OGFOD1: variants seen among roughly 807,000 people sequenced by gnomAD.
OGFOD1 encodes prolyl 3-hydroxylase OGFOD1.
In OGFOD1, 54 loss-of-function variants were observed where a neutral mutation model predicts 67.7. The observed-to-expected ratio is 0.80, with a 90% CI of 0.64 to 1.00. OGFOD1 has a LOEUF of 1.00. Ranked by LOEUF, OGFOD1 falls within the 50% of genes least tolerant of loss-of-function variation. The pLI, the probability that OGFOD1 is intolerant of heterozygous loss-of-function variation, is 0.00. For synonymous variants in OGFOD1, 221 were observed against 227.0 expected, an observed-to-expected ratio of 0.97 and a Z score of 0.24; for missense variants, 606 against 646.7, an observed-to-expected ratio of 0.94 and a Z score of 0.68.
At chr16:56,460,920 T>C (rs1002332935) in intron 3 of OGFOD1, among the ~76,000 whole-genome samples, 1 of 152,224 alleles carries the variant, frequency 6.6e-6, no homozygotes, top group Non-Finnish European at 1.5e-5. Context: ...GAGTTATAAA[T>C]TGTGTTAAGA....
chr16:56,467,010 T>G, intron 6 of OGFOD1, 43 bp downstream of exon 6: 1 of 1,549,696 alleles, frequency 6.5e-7, no homozygotes, highest in Non-Finnish European at 8.9e-7. Context: ...GGATTATGTT[T>G]TTTAATCACC....
At chr16:56,452,767 T>C (rs1962383974) in intron 1 of OGFOD1, among the ~76,000 whole-genome samples, 1 of 152,020 alleles carries the variant, frequency 6.6e-6, no homozygotes, top group South Asian at 2.1e-4. Context: ...AGTGGGTAAA[T>C]GTTGGGGTAG....
Position 56,463,877 on chromosome 16 carries a change from C to G in OGFOD1, c.448+1243C>G, listed in dbSNP as rs548063399. ...CTTCAGTAATTTCTACAAGGACATT[C>G]TCCTACATGATAATCATAAACCATC... On this transcript the variant is annotated intron_variant, in intron 4 of 12. Transcript: ENST00000566157. Among the ~76,000 whole-genome samples the G allele has an allele frequency of 4.6e-5, 7 of 152,270 alleles. No individual in the cohort carries two copies. In the South Asian group the frequency reaches 1.0e-3, roughly 23 times the overall value.
In OGFOD1 at chr16:56,467,230, A is replaced by G. The variant is rs1388885424; in HGVS notation, c.723A>G (p.Ser241=). Residue 241 remains serine, a synonymous_variant, in exon 7 of 13, where the codon TCA becomes TCG. Coordinates refer to ENST00000566157, the MANE Select transcript of OGFOD1 (RefSeq NM_018233.4). ...TAAGTGGCTGGTTTCATGGTCCATC[A>G]TTGACTCGGCCTCCCAACTACTTTG... ...LSISGWFHGP[S]LTRPPNYFEP... is the part of the protein sequence containing the mutation. The G allele has an allele frequency of 6.2e-7, 1 of 1,614,124 alleles. No homozygotes were observed. The highest frequency in any genetic ancestry group is 1.3e-5 in the African/African-American group (1 of 75,016).
chr16:56,455,815 C>G (rs1250015786), intron 2 of OGFOD1, among the ~76,000 whole-genome samples: 1 of 152,050 alleles, frequency 6.6e-6, no homozygotes, highest in African/African-American at 2.4e-5. Context: ...GTTGAGGAAA[C>G]TACATTAGTT....
chr16:56,462,493 A>G, intron 3 of OGFOD1, 41 bp from the exon 4 acceptor site: 1 of 1,296,360 alleles, frequency 7.7e-7, no homozygotes, highest in South Asian at 1.2e-5. Flanking sequence ...CCTAGATCCC[A>G]CACTGTGGCA....
intron 2 of OGFOD1, among the ~76,000 whole-genome samples, chr16:56,454,030 G>A (rs1436474274): frequency 2.0e-5 from 3 of 152,160 alleles, no homozygotes; most frequent in African/African-American, 4.8e-5. Flanking sequence ...AGAGTTGTAC[G>A]TTGGGAGACA....
intron 11 of OGFOD1, 151 bp from the exon 12 acceptor site, chr16:56,475,356 A>G (rs1963410595): frequency 2.7e-6 from 2 of 733,790 alleles, no homozygotes; most frequent in Non-Finnish European, 4.8e-6. Flanking sequence ...GATAAACTAG[A>G]TGATAAGTTC....
intron 8 of OGFOD1, among the ~76,000 whole-genome samples, chr16:56,468,721 G>C (rs561673570): frequency 1.1e-5 from 1 of 92,974 alleles, no homozygotes; most frequent in Admixed American, 9.8e-5. Context: ...GCGAGACTCC[G>C]TCTCAAAAAA....
rs1963396284 is a variant in OGFOD1 at position 56,475,075 on chromosome 16, T to C, written c.1408+125T>C. On this transcript the variant is annotated intron_variant, in intron 11 of 12. Transcript: ENST00000566157. ...TAGTTCAGAATCTCACATCATGGGA[T>C]CTCAAAGTCAAAGGGATTTTACGGG... The C allele has an allele frequency of 3.0e-6, 3 of 991,504 alleles. No individual in the cohort carries two copies. The Admixed American group carries it at 8.0e-5, about 26-fold the overall frequency. The allele number at this position is 991,504 out of a possible 1,614,324, so 61.4% of individuals were successfully genotyped here. A position where few individuals can be genotyped will look rare whatever the true frequency, so the allele number is the denominator to read the frequency against.
At position 56,476,149 on chromosome 16, in the gene OGFOD1, A is replaced by G. The variant is rs376900100; in HGVS notation, c.1573A>G (p.Lys525Glu). The G allele has an allele frequency of 6.2e-7, 1 of 1,613,732 alleles. No homozygotes were observed. The highest frequency in any genetic ancestry group is 8.5e-7 in the Non-Finnish European group (1 of 1,180,000). ...HINHRSLEQKKTFPNRTGFWD... is the reference protein window; with the variant it reads ...HINHRSLEQKETFPNRTGFWD... ...TAACCACCGAAGCCTGGAACAAAAG[A>G]AAACCTTCCCAAACAGAACAGGTTT... The change falls in exon 13 of 13, where the codon AAA (lysine) becomes GAA (glutamate). Residue 525 changes from lysine (K) to glutamate (E), a missense_variant. Physicochemically the swap from Lys to Glu is moderately conservative, Grantham distance 56 (BLOSUM62 1). Coordinates refer to ENST00000566157, the MANE Select transcript of OGFOD1 (RefSeq NM_018233.4).
rs186496484 is a variant in OGFOD1 at position 56,457,363 on chromosome 16, G to T, written c.301-1185G>T. On this transcript the variant is annotated intron_variant, in intron 2 of 12. Transcript: ENST00000566157. ...CATTTATATGTAATGTCCAGAATAGGCAAGTGGTTGCGAGGAGCTGGGGGG... is the reference window on the plus strand; with the variant it reads ...CATTTATATGTAATGTCCAGAATAGTCAAGTGGTTGCGAGGAGCTGGGGGG... 2.8e-3 allele frequency among the ~76,000 whole-genome samples: 426 copies of T among 152,332 alleles called. 10 individuals are homozygous for T. In the South Asian group the frequency reaches 0.053, roughly 19 times the overall value.
At position 56,467,213 on chromosome 16, in the gene OGFOD1, T is replaced by C; in HGVS notation, c.706T>C (p.Trp236Arg). The change falls in exon 7 of 13, where the codon TGG becomes CGG. Residue 236 changes from tryptophan (W) to arginine (R), a missense_variant. Trp to Arg is a moderately radical substitution (Grantham distance 101). Coordinates refer to ENST00000566157, the MANE Select transcript of OGFOD1 (RefSeq NM_018233.4). ...EEKSRLSISGWFHGPSLTRPP... is the reference protein window; with the variant it reads ...EEKSRLSISGRFHGPSLTRPP... Reference sequence around the variant, plus strand: ...AAAGTCACGTTTGTCTATAAGTGGCTGGTTTCATGGTCCATCATTGACTCG... The same window carrying C: ...AAAGTCACGTTTGTCTATAAGTGGCCGGTTTCATGGTCCATCATTGACTCG... 1 of 1,614,182 alleles carries C rather than the reference T, an allele frequency of 6.2e-7. No homozygotes were observed. Among genetic ancestry groups the C allele is most frequent in the Non-Finnish European group, 8.5e-7 (1 of 1,180,030 alleles).
chr16:56,475,416 C>T, intron 11 of OGFOD1, 91 bp from the exon 12 acceptor site: 4 of 1,173,766 alleles, frequency 3.4e-6, no homozygotes, highest in Non-Finnish European at 5.1e-6. Flanking sequence ...AGATCCCCCA[C>T]TGTTAAGCAG....
intron 10 of OGFOD1, among the ~76,000 whole-genome samples, chr16:56,471,259 G>A (rs1963168198): frequency 1.3e-5 from 2 of 151,906 alleles, no homozygotes; most frequent in South Asian, 4.2e-4. Context: ...CTACTCAGGA[G>A]GCTGAGGTGG....
intron 4 of OGFOD1, among the ~76,000 whole-genome samples, chr16:56,463,960 A>G (rs1350124382): frequency 6.6e-6 from 1 of 152,116 alleles, no homozygotes; most frequent in Non-Finnish European, 1.5e-5. Flanking sequence ...TCTAATCCTC[A>G]GGCTCCATTC....
Position 56,476,170 on chromosome 16 carries a change from G to C in OGFOD1, c.1594G>C (p.Gly532Arg), listed in dbSNP as rs758309939. The C allele has an allele frequency of 1.2e-6, 2 of 1,612,734 alleles. No individual in the cohort carries two copies. Among genetic ancestry groups the C allele is most frequent in the Non-Finnish European group, 1.7e-6 (2 of 1,179,912 alleles). The change falls in exon 13 of 13, where the codon GGT becomes CGT. Residue 532 changes from glycine (G) to arginine (R), a missense_variant. By Grantham distance (125) the Gly-to-Arg change is moderately radical. Coordinates refer to ENST00000566157, the MANE Select transcript of OGFOD1 (RefSeq NM_018233.4). ...AAAGAAAACCTTCCCAAACAGAACA[G>C]GTTTCTGGGACTTTTCATTCATCTA... ...EQKKTFPNRT[G>R]FWDFSFIYYE
chr16:56,458,551 G>A lies in OGFOD1; in HGVS notation c.304G>A (p.Asp102Asn), dbSNP rs1394955537. Residue 102 changes from aspartate to asparagine, a missense_variant, in exon 3 of 13, where the codon GAT (aspartate) becomes AAT (asparagine). Coordinates refer to ENST00000566157, the MANE Select transcript of OGFOD1 (RefSeq NM_018233.4). ...YNDLYKFQQS[D>N]DLKKRREPHI... ...TTTCTCTATTTTCATGATCAAGTCT[G>A]ATGATTTGAAGAAGAGAAGAGAGCC... The A allele has an allele frequency of 3.1e-6, 5 of 1,612,902 alleles. 1 individual carries two copies. The Admixed American group carries it at 8.3e-5, about 27-fold the overall frequency.
intron 10 of OGFOD1, among the ~76,000 whole-genome samples, chr16:56,471,093 T>C (rs938446822): frequency 6.6e-6 from 1 of 151,958 alleles, no homozygotes; most frequent in Non-Finnish European, 1.5e-5. Flanking sequence ...GGCTTACACC[T>C]ATAATCCCAG....
Sources: gnomAD v4.1 joint callset for allele counts (sites outside exome capture counted in the v4.1 genomes callset) on GRCh38, gnomAD v4.1.1 for gene constraint, MANE v1.5 for transcripts, NCBI Gene and HGNC (gene_info 2026-07-23, HGNC 2026-07-21) for gene names.